Variants in NIPAL2 observed in about 807,000 individuals in gnomAD.
The protein encoded by NIPAL2 is NIPA like domain containing 2, also known as NIPA-like protein 2.
Under a neutral mutation model 48.9 loss-of-function variants are expected in NIPAL2, and 43 were observed. The observed-to-expected ratio is 0.88, with a 90% CI of 0.69 to 1.13. NIPAL2 has a LOEUF of 1.13. Ranked by LOEUF, NIPAL2 falls within the 50% of genes most tolerant of loss-of-function variation. NIPAL2 has a pLI of 0.00. For synonymous variants in NIPAL2, 167 were observed against 174.6 expected (o/e 0.96, Z 0.34); for missense variants, 446 against 461.4 (o/e 0.97, Z 0.31).
intron 8 of NIPAL2, among the ~76,000 whole-genome samples, chr8:98,200,310 G>T (rs952356520): frequency 4.0e-5 from 6 of 151,896 alleles, no homozygotes; most frequent in African/African-American, 1.5e-4. Context: ...CCTCCTCCCC[G>T]CAGCCCTCAT....
chr8:98,222,039 GT>G (rs1317877916), intron 5 of NIPAL2, among the ~76,000 whole-genome samples: 15 of 152,118 alleles, frequency 9.9e-5, no homozygotes, highest in Non-Finnish European at 2.1e-4. Context: ...CAACCCAAAT[GT>G]CCATCAATGA....
intron 5 of NIPAL2, chr8:98,217,254 A>G (rs941220658): frequency 1.0e-6 from 1 of 985,444 alleles, no homozygotes; most frequent in African/African-American, 1.7e-5. Flanking sequence ...GCTTCCATTT[A>G]ATGTAAATCT....
At chr8:98,263,582 G>T (rs1485183733) in intron 1 of NIPAL2, among the ~76,000 whole-genome samples, 1 of 149,086 alleles carries the variant, frequency 6.7e-6, no homozygotes, top group Non-Finnish European at 1.5e-5. Context: ...AAACCAGGAA[G>T]AAGTTGAATC....
intron 5 of NIPAL2, among the ~76,000 whole-genome samples, chr8:98,220,650 T>A (rs761988278): frequency 8.5e-5 from 13 of 152,070 alleles, no homozygotes; most frequent in Non-Finnish European, 1.6e-4. Flanking sequence ...CTCGAGTGAT[T>A]CTCCCACCTT....
At position 98,252,607 on chromosome 8, in the gene NIPAL2, G is replaced by GTT; in HGVS notation, c.230_231dup (p.Gln78AsnfsTer20). 6.2e-7 allele frequency: 1 copy of GTT among 1,613,004 alleles called. No homozygotes were observed. The highest frequency in any genetic ancestry group is 8.5e-7 in the Non-Finnish European group (1 of 1,179,744). ...TTGAAGTATGGCCTTGGGTGCTCTTGTTGTGCCAGCTGAAGGTGAGAATAT... is the reference window on the plus strand; with the variant it reads ...TTGAAGTATGGCCTTGGGTGCTCTTGTTTTGTGCCAGCTGAAGGTGAGAATAT... On this transcript the variant is annotated frameshift_variant, in exon 3 of 11. Coordinates refer to ENST00000430223, the MANE Select transcript of NIPAL2 (RefSeq NM_001321635.2). LOFTEE classifies it high-confidence loss of function.
At chr8:98,202,590 C>T (rs758719155) in intron 8 of NIPAL2, among the ~76,000 whole-genome samples, 2 of 152,156 alleles carry the variant, frequency 1.3e-5, no homozygotes, top group African/African-American at 2.4e-5. Flanking sequence ...TGCTATGTGA[C>T]GTGTCTGTTC....
At chr8:98,209,445 CA>C (rs33923448) in intron 6 of NIPAL2, among the ~76,000 whole-genome samples, 10,035 of 70,378 alleles carry the variant, frequency 0.14, 282 homozygotes, top group Middle Eastern at 0.22. Flanking sequence ...CCTGTCTCTC[CA>C]AAAAAAAAAA....
chr8:98,233,340 A>ATGTGTGTGTGTGTG (rs59700892), intron 4 of NIPAL2, among the ~76,000 whole-genome samples: 1 of 149,728 alleles, frequency 6.7e-6, no homozygotes, highest in Non-Finnish European at 1.5e-5. Context: ...TGTTTTCTTG[A>ATGTGTGTGTGTGTG]TGTGTGTGTG....
In NIPAL2 at chr8:98,280,761, T is replaced by TAGAGAGAGAGAGAGAGAG. The variant is rs1554578553; in HGVS notation, c.135+13224_135+13241dup. Among the ~76,000 whole-genome samples the TAGAGAGAGAGAGAGAGAG allele has an allele frequency of 1.4e-3, 41 of 30,010 alleles. 1 individual carries two copies. The highest frequency in any genetic ancestry group is 1.9e-3 in the African/African-American group (17 of 8,788). 19.7% of individuals were successfully genotyped at this position (30,010 alleles called of 152,430 possible). ...CTATATATATATATATATATATATATAGAGAGAGAGAGAGAGAGAGAGAGA... is the reference window on the plus strand; with the variant it reads ...CTATATATATATATATATATATATATAGAGAGAGAGAGAGAGAGAGAGAGAGAGAGAGAGAGAGAGAGA... On this transcript the variant is annotated intron_variant, in intron 1 of 10. Coordinates refer to ENST00000430223, the MANE Select transcript of NIPAL2 (RefSeq NM_001321635.2).
intron 6 of NIPAL2, among the ~76,000 whole-genome samples, chr8:98,210,184 G>C (rs1194322776): frequency 6.6e-6 from 1 of 151,152 alleles, no homozygotes; most frequent in East Asian, 1.9e-4. Context: ...GCTTTCCTTA[G>C]CTTTATTTCA....
Position 98,294,131 on chromosome 8 carries a change from C to G in NIPAL2, c.7G>C (p.Ala3Pro), listed in dbSNP as rs1355984796. 1 of 1,461,116 alleles carries G rather than the reference C, an allele frequency of 6.8e-7. No homozygotes were observed. 90.5% of individuals were successfully genotyped at this position (1,461,116 alleles called of 1,614,324 possible). The change falls in exon 1 of 11, where the codon GCG becomes CCG. Residue 3 changes from alanine (A) to proline (P), a missense_variant. Coordinates refer to ENST00000430223, the MANE Select transcript of NIPAL2 (RefSeq NM_001321635.2). Reference protein sequence around the residue: MAAVAPAGPGDSA... With the variant: MAPVAPAGPGDSA... ...TCCCCGGGGCCCGCGGGCGCCACCG[C>G]TGCCATGAGGTCTCGCTCCCGGCGC...
At chr8:98,226,579 A>T (rs1314783170) in intron 4 of NIPAL2, among the ~76,000 whole-genome samples, 2 of 152,156 alleles carry the variant, frequency 1.3e-5, no homozygotes, top group Admixed American at 6.5e-5. Context: ...TCTCCCAAAC[A>T]AACAGTCTCT....
chr8:98,248,322 G>GAAGT (rs2130820642), intron 3 of NIPAL2, among the ~76,000 whole-genome samples: 1 of 152,306 alleles, frequency 6.6e-6, no homozygotes, highest in East Asian at 1.9e-4. Context: ...TGGAGGCATG[G>GAAGT]AAGTATGCTC....
intron 6 of NIPAL2, among the ~76,000 whole-genome samples, chr8:98,206,394 GA>G (rs1297617478): frequency 6.6e-5 from 10 of 152,158 alleles, no homozygotes; most frequent in African/African-American, 2.4e-4. Context: ...GGCCAGCCAA[GA>G]AAAGCCTCCC....
chr8:98,267,289 A>C (rs1481852624), intron 1 of NIPAL2, among the ~76,000 whole-genome samples: 1 of 151,566 alleles, frequency 6.6e-6, no homozygotes, highest in East Asian at 1.9e-4. Context: ...GACTTGACTT[A>C]CAGATGTAGG....
chr8:98,217,929 C>A (rs955934136), intron 5 of NIPAL2, among the ~76,000 whole-genome samples: 2 of 152,082 alleles, frequency 1.3e-5, no homozygotes, highest in Non-Finnish European at 2.9e-5. Context: ...GGTGTCTAAC[C>A]ACCACTTAAT....
rs551461569 is a variant in NIPAL2 at position 98,206,412 on chromosome 8, T to C, written c.656-1166A>G. ...CAGCCAAGAAAAGCCTCCCATAATA[T>C]CGTTTTCCAAAAACTGAAAATATAC... On this transcript the variant is annotated intron_variant, in intron 6 of 10. Coordinates refer to ENST00000430223, the MANE Select transcript of NIPAL2 (RefSeq NM_001321635.2). Among the ~76,000 whole-genome samples the C allele has an allele frequency of 6.6e-5, 10 of 152,180 alleles. No homozygotes were observed. The South Asian group carries it at 1.7e-3, about 25-fold the overall frequency.
intron 6 of NIPAL2, among the ~76,000 whole-genome samples, chr8:98,211,929 T>C (rs16896807): frequency 0.013 from 1,943 of 152,136 alleles, 29 homozygotes; most frequent in African/African-American, 0.044. Context: ...AAAAACAAAG[T>C]AAATGGGTTG....
intron 3 of NIPAL2, 47 bp from the exon 4 acceptor site, chr8:98,236,261 T>A (rs749217502): frequency 1.5e-6 from 2 of 1,291,404 alleles, no homozygotes; most frequent in African/African-American, 3.0e-5. Context: ...TAAAAGTGTC[T>A]ATTACGCAAT....
Sources: gnomAD v4.1 joint callset for allele counts (sites outside exome capture counted in the v4.1 genomes callset) on GRCh38, gnomAD v4.1.1 for gene constraint, MANE v1.5 for transcripts, NCBI Gene and HGNC (gene_info 2026-07-23, HGNC 2026-07-21) for gene names.